The following SYVN1 variants were observed in gnomAD, a reference collection of about 807,000 sequenced individuals.
The protein encoded by SYVN1 is E3 ubiquitin-protein ligase synoviolin.
SYVN1 carries 17 observed loss-of-function variants against 62.6 expected under a neutral mutation model. The observed-to-expected ratio is 0.27, with a 90% confidence interval of 0.19 to 0.41. The LOEUF (loss-of-function observed/expected upper bound fraction) is 0.41. Among genes scored for constraint, SYVN1 ranks in the 10% least tolerant of loss-of-function variants. The pLI is 1.00. For synonymous variants in SYVN1, 316 were observed against 304.0 expected (o/e 1.04, Z -0.41); for missense variants, 634 against 818.0 (o/e 0.78, Z 2.74).
intron 14 of SYVN1, chr11:65,129,203 G>T: frequency 5.8e-6 from 1 of 171,560 alleles, no homozygotes; most frequent in Non-Finnish European, 1.3e-5. Flanking sequence ...CAATCCTCCT[G>T]CCTCAGCCTT....
In SYVN1 at chr11:65,133,790, G is replaced by C. The variant is rs917679741; in HGVS notation, c.-17-172C>G. ...CCCATTTTACAAATTAGACTCGAAG[G>C]GGTTAAGTGATCACACTGACGCAAG... On this transcript the variant is annotated intron_variant, in intron 1 of 15. Transcript: ENST00000377190. 2.6e-5 allele frequency among the ~76,000 whole-genome samples: 4 copies of C among 152,242 alleles called. No individual in the cohort carries two copies. In the South Asian group the frequency reaches 8.3e-4, roughly 31 times the overall value.
At chr11:65,132,517 G>T in intron 5 of SYVN1, 166 bp from the exon 6 acceptor site, 1 of 750,112 alleles carries the variant, frequency 1.3e-6, no homozygotes, top group Admixed American at 2.3e-5. Flanking sequence ...TGGGGGAGGG[G>T]GAGTTGTTGG....
chr11:65,129,991 G>T lies in SYVN1; in HGVS notation c.1408+11C>A. 6.3e-7 allele frequency: 1 copy of T among 1,594,314 alleles called. No homozygotes were observed. The highest frequency in any genetic ancestry group is 2.3e-5 in the East Asian group (1 of 44,406). ...ACCCCCAAGAAGAACCCAGAGAGTG[G>T]CCCAGCTTACCAAAGGGTGGAGGCA... On this transcript the variant is annotated intron_variant, in intron 13 of 15. Transcript: ENST00000377190.
rs902089690 is a variant in SYVN1, at chr11:65,128,346, C to T, written c.*36G>A. 27 of 1,567,128 alleles carry T rather than the reference C, an allele frequency of 1.7e-5. No individual in the cohort carries two copies. In the African/African-American group the frequency reaches 3.2e-4, roughly 19 times the overall value. Reference sequence around the variant, plus strand: ...AGGACATGTTCCAGCGAGGGCTGCTCAAAAGAGCAGAGGCTGGGGCTGGGC... The same window carrying T: ...AGGACATGTTCCAGCGAGGGCTGCTTAAAAGAGCAGAGGCTGGGGCTGGGC... On this transcript the variant is annotated 3_prime_UTR_variant, in exon 16 of 16. Coordinates refer to ENST00000377190, the MANE Select transcript of SYVN1 (RefSeq NM_172230.3).
chr11:65,132,178 T>G, intron 6 of SYVN1, 70 bp downstream of exon 6: 1 of 1,223,222 alleles, frequency 8.2e-7, no homozygotes, highest in Non-Finnish European at 1.2e-6. Context: ...AGGAAGGGTC[T>G]GTTGGGTTAT....
Position 65,130,911 on chromosome 11 carries a change from C to A in SYVN1, c.941+9G>T. 6.2e-7 allele frequency: 1 copy of A among 1,613,652 alleles called. No individual in the cohort carries two copies. Among genetic ancestry groups the A allele is most frequent in the South Asian group, 1.1e-5 (1 of 91,084 alleles). Reference sequence around the variant, plus strand: ...CCCTGCTGTGCAGGCTCCCCAGGGCCCCTCCCACCTGGTATGGAAAATGTG... The same window carrying A: ...CCCTGCTGTGCAGGCTCCCCAGGGCACCTCCCACCTGGTATGGAAAATGTG... On this transcript the variant is annotated intron_variant, in intron 10 of 15. Coordinates refer to ENST00000377190, the MANE Select transcript of SYVN1 (RefSeq NM_172230.3).
At chr11:65,133,979 G>T (rs1948214698) in intron 1 of SYVN1, among the ~76,000 whole-genome samples, 1 of 152,232 alleles carries the variant, frequency 6.6e-6, no homozygotes, top group Non-Finnish European at 1.5e-5. Context: ...GGCAACAGCA[G>T]AAATCTGCTC....
chr11:65,131,668 G>T, intron 6 of SYVN1, 72 bp from the exon 7 acceptor site: 1 of 1,570,856 alleles, frequency 6.4e-7, no homozygotes, highest in Non-Finnish European at 8.6e-7. Context: ...TGCTCCCCAA[G>T]GCCTCTGCAC....
intron 4 of SYVN1, 59 bp downstream of exon 4, chr11:65,132,863 C>G: frequency 6.2e-7 from 1 of 1,613,348 alleles, no homozygotes. Flanking sequence ...GCTCCTTAAG[C>G]CTGCCCGCTG....
chr11:65,130,062 G>GGCCAGCCTCTGGGGCAGAGCCAGA lies in SYVN1; in HGVS notation c.1324_1347dup (p.Ser442_Gly449dup). 1 of 1,607,246 alleles carries GGCCAGCCTCTGGGGCAGAGCCAGA rather than the reference G, an allele frequency of 6.2e-7. No individual in the cohort carries two copies. The highest frequency in any genetic ancestry group is 8.5e-7 in the Non-Finnish European group (1 of 1,176,384). ...GGAGGGAAGGGGAAACCAGGGGCAG[G>GGCCAGCCTCTGGGGCAGAGCCAGA]GCCAGCCTCTGGGGCAGAGCCAGAG... is the stretch of plus-strand genomic sequence containing the variant. On this transcript the variant is annotated inframe_insertion, in exon 13 of 16. Coordinates refer to ENST00000377190, the MANE Select transcript of SYVN1 (RefSeq NM_172230.3).
At chr11:65,130,216 C>T (rs1191902244) in intron 12 of SYVN1, 35 bp downstream of exon 12, 25 of 1,609,052 alleles carry the variant, frequency 1.6e-5, no homozygotes, top group Non-Finnish European at 2.0e-5. Flanking sequence ...TCCATCCCTG[C>T]CGCCCCCTGG....
Position 65,130,687 on chromosome 11 carries a change from G to C in SYVN1, c.1078C>G (p.Pro360Ala), listed in dbSNP as rs767439556. Residue 360 changes from proline (P) to alanine (A), a missense_variant, in exon 11 of 16, where the codon CCA becomes GCA. Pro to Ala is a conservative substitution (Grantham distance 27). Transcript: ENST00000377190. ...TTGGGGGGCTGAGGCAAGAGTGGTG[G>C]GGGGTGGGGGGCAGGGGGTGGCCCC... is the stretch of plus-strand genomic sequence containing the variant. ...DQGPPPAPHP[P>A]PLLPQPPNFP... 4 of 1,490,036 alleles carry C rather than the reference G, an allele frequency of 2.7e-6. No individual in the cohort carries two copies. The highest frequency in any genetic ancestry group is 2.7e-6 in the Non-Finnish European group (3 of 1,118,020). 92.3% of individuals were successfully genotyped at this position (1,490,036 alleles called of 1,614,324 possible).
chr11:65,129,640 G>A, intron 14 of SYVN1, 89 bp downstream of exon 14: 1 of 1,348,480 alleles, frequency 7.4e-7, no homozygotes, highest in Non-Finnish European at 1.0e-6. Flanking sequence ...ATTGGCAGGT[G>A]TCAAAGGCCA....
Position 65,133,195 on chromosome 11 carries a change from C to T in SYVN1, c.190G>A (p.Val64Met), listed in dbSNP as rs774949822. The change falls in exon 3 of 16, where the codon GTG becomes ATG. Residue 64 changes from valine (V) to methionine (M), a missense_variant. By Grantham distance (21) the Val-to-Met change is conservative. Around this residue, in one of 2 missense-constraint regions of SYVN1, gnomAD observed 283 missense variants for 444.7 expected, o/e 0.64. Coordinates refer to ENST00000377190, the MANE Select transcript of SYVN1 (RefSeq NM_172230.3). ...GCTGCCCTCAGTTGCCCAAAGAACACCTTGCCCATCACCTTGCCCAGAAGG... is the reference window on the plus strand; with the variant it reads ...GCTGCCCTCAGTTGCCCAAAGAACATCTTGCCCATCACCTTGCCCAGAAGG... ...VFLLGKVMGK[V>M]FFGQLRAAEM... is the part of the protein sequence containing the mutation. 1 of 1,614,194 alleles carries T rather than the reference C, an allele frequency of 6.2e-7. No individual in the cohort carries two copies. Among genetic ancestry groups the T allele is most frequent in the South Asian group, 1.1e-5 (1 of 91,084 alleles).
intron 2 of SYVN1, 102 bp downstream of exon 2, chr11:65,133,368 C>T: frequency 2.5e-6 from 4 of 1,571,618 alleles, no homozygotes; most frequent in Middle Eastern, 1.7e-4. Flanking sequence ...AGGCAGCTGG[C>T]GGCTACTTCC....
At chr11:65,129,644 A>G in intron 14 of SYVN1, 85 bp downstream of exon 14, 1 of 1,396,964 alleles carries the variant, frequency 7.2e-7, no homozygotes. Flanking sequence ...GCAGGTGTCA[A>G]AGGCCAAGAA....
Position 65,130,752 on chromosome 11 carries a change from A to G in SYVN1, c.1013T>C (p.Leu338Pro). The part of the protein sequence containing the change: ...TCRMDVLRAS[L>P]PAQSPPPPEP... ...CGGGGGTGGTGGTGACTGCGCTGGC[A>G]GCGATGCACGAAGGACATCCATACG... Residue 338 changes from leucine to proline, a missense_variant, in exon 11 of 16, where the codon CTG becomes CCG. This residue lies in a region of SYVN1 where 351 missense variants were observed against 373.3 expected (regional missense o/e 0.94). Coordinates refer to ENST00000377190, the MANE Select transcript of SYVN1 (RefSeq NM_172230.3). 1 of 1,535,804 alleles carries G rather than the reference A, an allele frequency of 6.5e-7. No homozygotes were observed. Among genetic ancestry groups the G allele is most frequent in the Non-Finnish European group, 8.7e-7 (1 of 1,145,772 alleles).
Position 65,128,763 on chromosome 11 carries a change from TG to T in SYVN1, c.1596-50del, listed in dbSNP as rs751836800. On this transcript the variant is annotated intron_variant, in intron 14 of 15. Coordinates refer to ENST00000377190, the MANE Select transcript of SYVN1 (RefSeq NM_172230.3). ...CGGGCCTGGCCTTGGCATCCAAGGT[TG>T]GGCAGATTCTCCTGCCCTTGGTGAG... 6 of 1,536,890 alleles carry T rather than the reference TG, an allele frequency of 3.9e-6. No individual in the cohort carries two copies. The African/African-American group carries it at 5.5e-5, about 14-fold the overall frequency.
At chr11:65,128,539 C>A in intron 15 of SYVN1, 24 bp downstream of exon 15, 1 of 1,613,248 alleles carries the variant, frequency 6.2e-7, no homozygotes, top group South Asian at 1.1e-5. Flanking sequence ...CCTGCTCCCC[C>A]GGCTGGAGGC....
Sources: allele counts gnomAD v4.1 joint callset (sites outside exome capture counted in the v4.1 genomes callset), GRCh38; gene constraint gnomAD v4.1.1; regional missense constraint gnomAD v4.1.1; transcripts MANE v1.5; gene names NCBI Gene and HGNC (gene_info 2026-07-23, HGNC 2026-07-21).